The following TASOR variants were observed in gnomAD, a reference collection of about 807,000 sequenced individuals.
TASOR encodes the protein transcription activation suppressor.
A neutral mutation model predicts 178.6 loss-of-function variants in TASOR; 53 were observed. The observed-to-expected ratio is 0.30, with a 90% CI of 0.24 to 0.37. The LOEUF (loss-of-function observed/expected upper bound fraction) is 0.37, where lower values mean the gene tolerates loss of function less well. Among genes scored for constraint, TASOR ranks in the 10% least tolerant of loss-of-function variants. The pLI is 1.00. For synonymous variants in TASOR, 713 were observed against 696.2 expected (o/e 1.02, Z -0.38); for missense variants, 1,815 against 1,971.4 (o/e 0.92, Z 1.50).
Position 56,670,229 on chromosome 3 carries a change from T to G in TASOR, c.571-84A>C, listed in dbSNP as rs1476325320. The G allele has an allele frequency of 4.8e-6, 4 of 828,134 alleles. No individual in the cohort carries two copies. In the African/African-American group the frequency reaches 5.2e-5, roughly 11 times the overall value. 51.3% of individuals were successfully genotyped at this position (828,134 alleles called of 1,614,324 possible). A position where few individuals can be genotyped will look rare whatever the true frequency, so the allele number is the denominator to read the frequency against. On this transcript the variant is annotated intron_variant, in intron 3 of 23. Transcript: ENST00000683822. The stretch of plus-strand genomic sequence containing the variant: ...AATAATTTTATAAACTTGGTTTAAA[T>G]AAAAACAAAGCTTCTTAACTATGTA...
chr3:56,668,844 C>T (rs1274741502), intron 5 of TASOR, among the ~76,000 whole-genome samples: 4 of 152,022 alleles, frequency 2.6e-5, no homozygotes, highest in Non-Finnish European at 5.9e-5. Context: ...TGGTGGCGCA[C>T]GCTTTTAATC....
chr3:56,652,599 T>C lies in TASOR; in HGVS notation c.1369-3542A>G, dbSNP rs75876262. Among the ~76,000 whole-genome samples, 1,511 of 152,046 alleles carry C rather than the reference T, an allele frequency of 9.9e-3. 22 individuals carry two copies. The highest frequency in any genetic ancestry group is 0.035 in the African/African-American group (1,442 of 41,454). On this transcript the variant is annotated intron_variant, in intron 11 of 23. Transcript: ENST00000683822. Reference sequence around the variant, plus strand: ...GGCTAAAATGGTTAATTTTATGTTATGTGAATTTTATTTCACTTAAAAAAT... The same window carrying C: ...GGCTAAAATGGTTAATTTTATGTTACGTGAATTTTATTTCACTTAAAAAAT...
At chr3:56,655,308 T>C (rs1468830841) in intron 11 of TASOR, among the ~76,000 whole-genome samples, 2 of 152,254 alleles carry the variant, frequency 1.3e-5, no homozygotes, top group African/African-American at 4.8e-5. Context: ...AAGTAGTATA[T>C]AGTAGTTCCC....
chr3:56,661,079 C>A, intron 9 of TASOR, 62 bp from the exon 10 acceptor site: 1 of 1,047,434 alleles, frequency 9.5e-7, no homozygotes, highest in African/African-American at 1.6e-5. Context: ...GCAATCTTAA[C>A]ACATACACAA....
chr3:56,660,489 C>CAAAAAAA (rs35016053), intron 11 of TASOR, among the ~76,000 whole-genome samples: 2 of 66,066 alleles, frequency 3.0e-5, no homozygotes, highest in African/African-American at 5.1e-5. Flanking sequence ...GACTCCGTCT[C>CAAAAAAA]AAAAAAAAAA....
chr3:56,636,819 A>G (rs1358672926), intron 17 of TASOR, among the ~76,000 whole-genome samples: 1 of 152,178 alleles, frequency 6.6e-6, no homozygotes, highest in African/African-American at 2.4e-5. Context: ...TACAAAATAT[A>G]AAGATGGTAT....
In TASOR at chr3:56,666,359, T is replaced by C; in HGVS notation, c.923A>G (p.Asp308Gly). 1 of 1,532,606 alleles carries C rather than the reference T, an allele frequency of 6.5e-7. No homozygotes were observed. The allele number at this position is 1,532,606 out of a possible 1,614,324, so 94.9% of individuals were successfully genotyped here. A position where few individuals can be genotyped will look rare whatever the true frequency, so the allele number is the denominator to read the frequency against. ...GTGTCTTGGTCTTCGCCTTAGCTCATCAAAGCCATACTCATAAAAATAATA... is the reference window on the plus strand; with the variant it reads ...GTGTCTTGGTCTTCGCCTTAGCTCACCAAAGCCATACTCATAAAAATAATA... ...TQYYFYEYGF[D>G]ELRRRPRHVC... Residue 308 changes from aspartate (D) to glycine (G), a missense_variant, in exon 7 of 24, where the codon GAT (aspartate) becomes GGT (glycine). Physicochemically the swap from Asp to Gly is moderately conservative, Grantham distance 94. Coordinates refer to ENST00000683822, the MANE Select transcript of TASOR (RefSeq NM_001365635.2).
chr3:56,650,046 T>A (rs1360274483), intron 11 of TASOR, among the ~76,000 whole-genome samples: 1 of 152,200 alleles, frequency 6.6e-6, no homozygotes, highest in East Asian at 1.9e-4. Context: ...GAAAGAAGAC[T>A]TGACAGCACA....
chr3:56,669,141 C>A (rs926385272), intron 5 of TASOR, among the ~76,000 whole-genome samples: 1 of 151,934 alleles, frequency 6.6e-6, no homozygotes, highest in Non-Finnish European at 1.5e-5. Flanking sequence ...ATATTACCAA[C>A]ATATTACTCT....
At chr3:56,623,800 A>T (rs2076740683) in intron 23 of TASOR, 3 of 1,551,328 alleles carry the variant, frequency 1.9e-6, no homozygotes, top group Admixed American at 2.0e-5. Context: ...AATGTTGGGA[A>T]ATCCCAACTC....
At chr3:56,631,586 T>TTTG (rs1490108179) in intron 18 of TASOR, among the ~76,000 whole-genome samples, 3 of 115,612 alleles carry the variant, frequency 2.6e-5, no homozygotes, top group East Asian at 3.0e-4. Flanking sequence ...GTTTTTTTGT[T>TTTG]TTTTTTTTTT....
intron 17 of TASOR, among the ~76,000 whole-genome samples, chr3:56,635,990 T>C (rs2077007808): frequency 6.6e-6 from 1 of 152,174 alleles, no homozygotes. Context: ...TTTGCACAAA[T>C]TTCCCTGTAT....
At chr3:56,649,846 A>G (rs2077313346) in intron 11 of TASOR, among the ~76,000 whole-genome samples, 1 of 152,214 alleles carries the variant, frequency 6.6e-6, no homozygotes, top group Admixed American at 6.5e-5. Context: ...GGTGAGTTGT[A>G]ATGGACAGTT....
chr3:56,658,893 G>C (rs551395300), intron 11 of TASOR, among the ~76,000 whole-genome samples: 1 of 102,530 alleles, frequency 9.8e-6, no homozygotes, highest in Non-Finnish European at 1.8e-5. Flanking sequence ...CAGCCTGGGC[G>C]AGAGAGTCTG....
At chr3:56,641,826 A>G in intron 14 of TASOR, 74 bp from the exon 15 acceptor site, 1 of 1,432,496 alleles carries the variant, frequency 7.0e-7, no homozygotes, top group African/African-American at 1.4e-5. Context: ...AAATATACCT[A>G]AAAAATTATC....
intron 1 of TASOR, 59 bp downstream of exon 1, chr3:56,682,617 T>C (rs2031906439): frequency 3.6e-6 from 5 of 1,383,780 alleles, no homozygotes; most frequent in Non-Finnish European, 4.8e-6. Context: ...GATAGAAAGA[T>C]TCTAATGAAA....
intron 17 of TASOR, among the ~76,000 whole-genome samples, chr3:56,636,540 G>A (rs1174659480): frequency 1.3e-5 from 2 of 151,526 alleles, no homozygotes; most frequent in African/African-American, 4.8e-5. Flanking sequence ...GAGTAGCTGC[G>A]ACTACAGGCT....
intron 18 of TASOR, among the ~76,000 whole-genome samples, chr3:56,631,166 C>G (rs762624883): frequency 5.9e-5 from 9 of 152,144 alleles, no homozygotes; most frequent in Non-Finnish European, 1.3e-4. Flanking sequence ...CCCAAGAAAC[C>G]ATTAGCAATC....
intron 11 of TASOR, among the ~76,000 whole-genome samples, chr3:56,651,779 G>C (rs1019311971): frequency 1.3e-5 from 2 of 151,118 alleles, no homozygotes; most frequent in African/African-American, 4.9e-5. Context: ...ACACTCAAAG[G>C]CATCAAAAAT....
Sources: allele counts gnomAD v4.1 joint callset (sites outside exome capture counted in the v4.1 genomes callset), GRCh38; gene constraint gnomAD v4.1.1; transcripts MANE v1.5; gene names NCBI Gene and HGNC (gene_info 2026-07-23, HGNC 2026-07-21).